The following PACSIN2 variants were observed in gnomAD, a reference collection of about 807,000 sequenced individuals.
The protein encoded by PACSIN2 is protein kinase C and casein kinase substrate in neurons protein 2.
In PACSIN2, 25 loss-of-function variants were observed where a neutral mutation model predicts 63.8. The ratio of observed to expected loss-of-function variants is 0.39; its 90% CI spans 0.29 to 0.55. The LOEUF is 0.55. PACSIN2 is among the 20% of genes least tolerant of loss of function. The probability of loss-of-function intolerance (pLI) is 0.62; values close to 1 mark genes in which losing one functional copy is unlikely to be tolerated. For synonymous variants in PACSIN2, 255 were observed against 256.2 expected (o/e 1.00, Z 0.05); for missense variants, 518 against 646.9 (o/e 0.80, Z 2.16).
intron 1 of PACSIN2, among the ~76,000 whole-genome samples, chr22:42,976,613 G>C (rs969593470): frequency 6.6e-6 from 1 of 152,148 alleles, no homozygotes; most frequent in South Asian, 2.1e-4. Flanking sequence ...TAAGATTAGC[G>C]GCAGAATTGT....
intron 1 of PACSIN2, among the ~76,000 whole-genome samples, chr22:43,008,479 G>C (rs1008872336): frequency 1.3e-5 from 2 of 152,190 alleles, no homozygotes; most frequent in Admixed American, 6.5e-5. Flanking sequence ...TCAAACTCCT[G>C]ACCTTGTGAT....
chr22:42,935,840 C>A (rs1336543867), intron 1 of PACSIN2, among the ~76,000 whole-genome samples: 6 of 152,130 alleles, frequency 3.9e-5, no homozygotes, highest in Non-Finnish European at 5.9e-5. Context: ...CATGGCACCC[C>A]TGAGAGATGA....
intron 1 of PACSIN2, among the ~76,000 whole-genome samples, chr22:42,975,502 G>A (rs1023178708): frequency 6.9e-6 from 1 of 144,562 alleles, no homozygotes; most frequent in Non-Finnish European, 1.5e-5. Flanking sequence ...TTATCCAGCT[G>A]TAAAAATGAA....
chr22:42,905,249 C>G (rs112750968), intron 2 of PACSIN2, among the ~76,000 whole-genome samples: 5 of 152,372 alleles, frequency 3.3e-5, no homozygotes, highest in African/African-American at 9.6e-5. Flanking sequence ...GAAGACAGGT[C>G]TGTCTGCACA....
intron 1 of PACSIN2, among the ~76,000 whole-genome samples, chr22:42,924,001 C>A (rs1932370463): frequency 2.0e-5 from 3 of 151,624 alleles, no homozygotes; most frequent in African/African-American, 4.9e-5. Flanking sequence ...ACGATTGTGC[C>A]ACTGCACTTC....
chr22:42,966,601 A>G (rs1191570578), intron 1 of PACSIN2, among the ~76,000 whole-genome samples: 1 of 152,210 alleles, frequency 6.6e-6, no homozygotes, highest in Admixed American at 6.5e-5. Flanking sequence ...TAATTAATGG[A>G]GACAGCCCAA....
chr22:42,893,426 A>G (rs368857255), intron 3 of PACSIN2, 31 bp downstream of exon 3: 1 of 1,604,932 alleles, frequency 6.2e-7, no homozygotes, highest in Non-Finnish European at 8.5e-7. Context: ...AGCTGCCTCC[A>G]GGCCACAGGA....
chr22:42,958,691 T>C (rs1410204573), intron 1 of PACSIN2, among the ~76,000 whole-genome samples: 1 of 152,198 alleles, frequency 6.6e-6, no homozygotes, highest in East Asian at 1.9e-4. Flanking sequence ...CTATGCAATC[T>C]TAAAAGTATT....
At chr22:42,888,220 G>C (rs1368036136) in intron 5 of PACSIN2, among the ~76,000 whole-genome samples, 1 of 152,034 alleles carries the variant, frequency 6.6e-6, no homozygotes, top group East Asian at 1.9e-4. Context: ...TGGTGATTTG[G>C]TCCTCATAAC....
At chr22:42,988,737 C>G (rs577384133) in intron 1 of PACSIN2, among the ~76,000 whole-genome samples, 78 of 152,350 alleles carry the variant, frequency 5.1e-4, no homozygotes, top group African/African-American at 1.9e-3. Flanking sequence ...CAATCTAATT[C>G]ATGTTGGCCC....
chr22:42,967,917 G>A (rs2092214), intron 1 of PACSIN2, among the ~76,000 whole-genome samples: 91,736 of 152,114 alleles, frequency 0.6, 28,203 homozygotes, highest in East Asian at 0.78. Flanking sequence ...GCAAATGGAT[G>A]ATCAAATTAG....
At chr22:43,004,559 C>G (rs138043628) in intron 1 of PACSIN2, among the ~76,000 whole-genome samples, 7 of 152,358 alleles carry the variant, frequency 4.6e-5, no homozygotes, top group Middle Eastern at 6.8e-3. Flanking sequence ...ACAGGGAGCA[C>G]TGCCTGCTCT....
intron 1 of PACSIN2, among the ~76,000 whole-genome samples, chr22:42,989,640 C>CA (rs971496544): frequency 4.7e-5 from 7 of 148,272 alleles, no homozygotes; most frequent in Admixed American, 1.3e-4. Flanking sequence ...ACTAAAAATA[C>CA]AAAAAAAATT....
chr22:42,912,276 A>G (rs1188000697), intron 1 of PACSIN2, 119 bp from the exon 2 acceptor site: 3 of 529,808 alleles, frequency 5.7e-6, no homozygotes, highest in East Asian at 3.4e-5. Context: ...GCGGTCTATA[A>G]TATTTCCTTT....
intron 1 of PACSIN2, among the ~76,000 whole-genome samples, chr22:42,986,040 C>CT (rs1368225371): frequency 6.6e-6 from 1 of 152,218 alleles, no homozygotes; most frequent in African/African-American, 2.4e-5. Context: ...TCACGCTTGA[C>CT]TTTCCAAACA....
intron 1 of PACSIN2, among the ~76,000 whole-genome samples, chr22:42,991,462 C>T (rs1050992476): frequency 6.6e-6 from 1 of 152,204 alleles, no homozygotes; most frequent in Non-Finnish European, 1.5e-5. Context: ...TCCTGGCAAG[C>T]CTCTAGTCAC....
chr22:42,911,061 C>G (rs6002975), intron 2 of PACSIN2, among the ~76,000 whole-genome samples: 5 of 151,900 alleles, frequency 3.3e-5, no homozygotes, highest in African/African-American at 7.3e-5. Context: ...CCCACCACCA[C>G]GCCCAGCTAA....
intron 1 of PACSIN2, among the ~76,000 whole-genome samples, chr22:42,927,019 C>T (rs1023358663): frequency 6.6e-6 from 1 of 152,148 alleles, no homozygotes; most frequent in Non-Finnish European, 1.5e-5. Flanking sequence ...CTGCCAAGCC[C>T]ATGATGATTT....
chr22:43,007,923 A>G (rs1924201376), intron 1 of PACSIN2, among the ~76,000 whole-genome samples: 1 of 152,172 alleles, frequency 6.6e-6, no homozygotes, highest in African/African-American at 2.4e-5. Context: ...GATATCCTCC[A>G]AACACTCTCA....
Sources: gnomAD v4.1 joint callset for allele counts (sites outside exome capture counted in the v4.1 genomes callset) on GRCh38, gnomAD v4.1.1 for gene constraint, MANE v1.5 for transcripts, NCBI Gene and HGNC (gene_info 2026-07-23, HGNC 2026-07-21) for gene names.